The following HMCN2 variants were observed in gnomAD, a reference collection of about 807,000 sequenced individuals.
HMCN2 encodes hemicentin 2, also known as hemicentin-2.
A neutral mutation model predicts 377.5 loss-of-function variants in HMCN2; 325 were observed. The ratio of observed to expected loss-of-function variants is 0.86; its 90% CI spans 0.79 to 0.94. The LOEUF (loss-of-function observed/expected upper bound fraction) is 0.94, where lower values mean the gene tolerates loss of function less well. Ranked by LOEUF, HMCN2 falls within the 40% of genes least tolerant of loss-of-function variation. The pLI is 0.00. For synonymous variants in HMCN2, 2,007 were observed against 2,046.8 expected, an observed-to-expected ratio of 0.98 and a Z score of 0.53; for missense variants, 4,543 against 4,725.3, an observed-to-expected ratio of 0.96 and a Z score of 1.13.
Position 130,287,534 on chromosome 9 carries a change from A to G in HMCN2, c.612+1224A>G, listed in dbSNP as rs185590420. Among the ~76,000 whole-genome samples, 1,040 of 142,262 alleles carry G rather than the reference A, an allele frequency of 7.3e-3. 5 individuals are homozygous for G. The highest frequency in any genetic ancestry group is 9.6e-3 in the Non-Finnish European group (634 of 66,294). The allele number at this position is 142,262 out of a possible 152,430, so 93.3% of individuals were successfully genotyped here. ...CCATTGCACTCCAGCCTGGGCAACA[A>G]GAGTGAAACTCTGTCTTAAAAAAAA... On this transcript the variant is annotated intron_variant, in intron 4 of 97. Transcript: ENST00000683500.
chr9:130,301,077 AGCTCTTG>A (rs1554934234), intron 8 of HMCN2, among the ~76,000 whole-genome samples: 1 of 152,234 alleles, frequency 6.6e-6, no homozygotes, highest in Non-Finnish European at 1.5e-5. Flanking sequence ...AAGAAGGGCC[AGCTCTTG>A]AGGCTGGCCA....
chr9:130,409,070 A>G (rs1022974952), intron 84 of HMCN2, 137 bp downstream of exon 84: 1 of 474,308 alleles, frequency 2.1e-6, no homozygotes, highest in Admixed American at 3.9e-5. Context: ...TTCCTCAGAT[A>G]TCCTCCCACT....
chr9:130,277,047 A>T (rs1260131695), intron 1 of HMCN2, among the ~76,000 whole-genome samples: 1 of 152,224 alleles, frequency 6.6e-6, no homozygotes, highest in Non-Finnish European at 1.5e-5. Flanking sequence ...GACCGTGTCC[A>T]CCGGGACACA....
At chr9:130,371,809 CT>C (rs1841035647) in intron 46 of HMCN2, among the ~76,000 whole-genome samples, 1 of 152,230 alleles carries the variant, frequency 6.6e-6, no homozygotes, top group African/African-American at 2.4e-5. Flanking sequence ...AATGTCGGCT[CT>C]GGGTGCAGTA....
chr9:130,325,556 C>T (rs1838089129), intron 19 of HMCN2, 39 bp from the exon 20 acceptor site: 1 of 152,284 alleles, frequency 6.6e-6, no homozygotes, highest in South Asian at 2.1e-4. Flanking sequence ...AATGATGCTG[C>T]AATGAGCCTT....
At chr9:130,375,489 C>G in intron 49 of HMCN2, 74 bp from the exon 50 acceptor site, 1 of 877,264 alleles carries the variant, frequency 1.1e-6, no homozygotes, top group Non-Finnish European at 1.4e-6. Flanking sequence ...GCACCGGGGT[C>G]TGAGGCTTTC....
rs1029995065 is a variant in HMCN2 at position 130,329,279 on chromosome 9, T to C, written c.3359+1804T>C. ...GTCTGGCTTCTGTCACCTAACTCAA[T>C]GTCTTCCAGGTTCATCCATGTCGTA... On this transcript the variant is annotated intron_variant, in intron 22 of 97. Coordinates refer to ENST00000683500, the MANE Select transcript of HMCN2 (RefSeq NM_001291815.2). Among the ~76,000 whole-genome samples the C allele has an allele frequency of 5.4e-3, 828 of 152,314 alleles. 12 individuals are homozygous for C. The highest frequency in any genetic ancestry group is 0.02 in the Middle Eastern group (6 of 294).
chr9:130,326,869 G>C (rs931277796), intron 21 of HMCN2, among the ~76,000 whole-genome samples: 6 of 152,184 alleles, frequency 3.9e-5, no homozygotes, highest in African/African-American at 9.7e-5. Flanking sequence ...CCCTCACCAG[G>C]CTTCGAGAGG....
At chr9:130,372,835 T>G (rs778856613) in intron 47 of HMCN2, among the ~76,000 whole-genome samples, 19 of 152,224 alleles carry the variant, frequency 1.2e-4, no homozygotes, top group Non-Finnish European at 2.4e-4. Context: ...CATCAGAGTC[T>G]TCTTCTGAGA....
Position 130,295,779 on chromosome 9 carries a change from G to A in HMCN2, c.891+7G>A, listed in dbSNP as rs1245603035. 6.4e-6 allele frequency: 3 copies of A among 470,690 alleles called. No homozygotes were observed. Among genetic ancestry groups the A allele is most frequent in the African/African-American group, 2.0e-5 (1 of 50,180 alleles). The allele number at this position is 470,690 out of a possible 1,614,324, so 29.2% of individuals were successfully genotyped here. A position where few individuals can be genotyped will look rare whatever the true frequency, so the allele number is the denominator to read the frequency against. ...GGGGCTGTGGTCCATCAAGGTAGGG[G>A]CACTGGGTTGCAGGAGAAAGGTCGA... On this transcript the variant is annotated splice_region_variant and intron_variant, in intron 6 of 97. Transcript: ENST00000683500.
intron 79 of HMCN2, among the ~76,000 whole-genome samples, 198 bp from the exon 80 acceptor site, chr9:130,403,543 C>T (rs535555168): frequency 4.8e-4 from 73 of 152,322 alleles, no homozygotes; most frequent in Middle Eastern, 3.4e-3. Context: ...TCCGAGCACT[C>T]GGTGGCTGAG....
rs896808168 is a variant in HMCN2, at chr9:130,382,870, A to C, written c.8733+4A>C. 9.1e-6 allele frequency: 9 copies of C among 985,664 alleles called. No homozygotes were observed. Among genetic ancestry groups the C allele is most frequent in the Non-Finnish European group, 1.1e-5 (9 of 829,860 alleles). 61.1% of individuals were successfully genotyped at this position (985,664 alleles called of 1,614,324 possible). On this transcript the variant is annotated splice_donor_region_variant and intron_variant, in intron 56 of 97. Coordinates refer to ENST00000683500, the MANE Select transcript of HMCN2 (RefSeq NM_001291815.2). ...GGAGGACGGGCAAGTCTTGCAGGTC[A>C]GGGCAGCCCCCTGCACGGGCTAGGG... is the stretch of plus-strand genomic sequence containing the variant.
Position 130,394,069 on chromosome 9 carries a change from G to C in HMCN2, c.10501+61G>C. The C allele has an allele frequency of 8.4e-7, 1 of 1,186,950 alleles. No individual in the cohort carries two copies. The highest frequency in any genetic ancestry group is 6.0e-5 in the East Asian group (1 of 16,708). The allele number at this position is 1,186,950 out of a possible 1,614,324, so 73.5% of individuals were successfully genotyped here. ...TCGGGGGAGAGGGTGGGACTCTAGG[G>C]GCAATGGGAAGGACAGTGAGGGAGG... On this transcript the variant is annotated intron_variant, in intron 68 of 97. Coordinates refer to ENST00000683500, the MANE Select transcript of HMCN2 (RefSeq NM_001291815.2). The surrounding 1 kb of genome is among the most constrained non-coding windows in gnomAD (Gnocchi z 5.1).
chr9:130,401,041 A>C, intron 77 of HMCN2, 94 bp downstream of exon 77: 1 of 1,115,624 alleles, frequency 9.0e-7, no homozygotes, highest in Non-Finnish European at 1.2e-6. Flanking sequence ...ATAGGATGGA[A>C]CTATCTGGCC....
At chr9:130,268,616 G>A (rs1834248607) in intron 1 of HMCN2, among the ~76,000 whole-genome samples, 1 of 149,530 alleles carries the variant, frequency 6.7e-6, no homozygotes, top group Non-Finnish European at 1.5e-5. Flanking sequence ...CCTGTGAGTA[G>A]GGCCTGAAGA....
intron 80 of HMCN2, 24 bp from the exon 81 acceptor site, chr9:130,404,845 G>A (rs1485378378): frequency 5.0e-6 from 6 of 1,210,722 alleles, no homozygotes; most frequent in Admixed American, 2.9e-5. Context: ...CCCCGGTTCC[G>A]AGTGGGCCTC....
At chr9:130,316,542 G>C (rs1837570411) in intron 15 of HMCN2, among the ~76,000 whole-genome samples, 1 of 152,122 alleles carries the variant, frequency 6.6e-6, no homozygotes, top group South Asian at 2.1e-4. Flanking sequence ...GGTGTTCTAG[G>C]CTCCCCCACT....
At chr9:130,278,580 T>C (rs1248155163) in intron 1 of HMCN2, among the ~76,000 whole-genome samples, 2 of 152,024 alleles carry the variant, frequency 1.3e-5, no homozygotes, top group Non-Finnish European at 2.9e-5. Flanking sequence ...TTTTCTTTTC[T>C]TTTCTTTTTC....
Position 130,369,780 on chromosome 9 carries a change from CTG to C in HMCN2, c.6999_7000del (p.Gly2334ThrfsTer18), listed in dbSNP as rs2131593209. On this transcript the variant is annotated frameshift_variant, in exon 45 of 98. Coordinates refer to ENST00000683500, the MANE Select transcript of HMCN2 (RefSeq NM_001291815.2). LOFTEE classifies it high-confidence loss of function. The surrounding 1 kb of genome is among the most constrained non-coding windows in gnomAD (Gnocchi z 4.5). ...GTGGAGCGGGCCCAGGCTGCCCACA[CTG>C]GACGCTACAGCTGTGTGGCCGAGAA... 1.0e-6 allele frequency: 1 copy of C among 985,932 alleles called. No homozygotes were observed. Among genetic ancestry groups the C allele is most frequent in the South Asian group, 4.7e-5 (1 of 21,280 alleles). 61.1% of individuals were successfully genotyped at this position (985,932 alleles called of 1,614,324 possible). A position where few individuals can be genotyped will look rare whatever the true frequency, so the allele number is the denominator to read the frequency against.
Sources: allele counts gnomAD v4.1 joint callset (sites outside exome capture counted in the v4.1 genomes callset), GRCh38; gene constraint gnomAD v4.1.1; non-coding constraint Gnocchi (gnomAD v3.1); transcripts MANE v1.5; gene names NCBI Gene and HGNC (gene_info 2026-07-23, HGNC 2026-07-21).